CHCHD6: variants seen among roughly 807,000 people sequenced by gnomAD.
CHCHD6 encodes the protein coiled-coil-helix-coiled-coil-helix domain containing 6, also known as MICOS complex subunit MIC25.
CHCHD6 carries 28 observed loss-of-function variants against 32.3 expected under a neutral mutation model. That is an observed-to-expected ratio of 0.87 (90% CI 0.64 to 1.19). The LOEUF (loss-of-function observed/expected upper bound fraction) is 1.19, where lower values mean the gene tolerates loss of function less well. CHCHD6 is among the 50% of genes most tolerant of loss of function. The probability of loss-of-function intolerance (pLI) is 0.00; values close to 1 mark genes in which losing one functional copy is unlikely to be tolerated. For missense variants in CHCHD6, 333 were observed against 307.0 expected (o/e 1.08, Z -0.63); for synonymous variants, 122 against 117.5 (o/e 1.04, Z -0.25).
At chr3:126,789,964 A>T (rs1204311651) in intron 4 of CHCHD6, among the ~76,000 whole-genome samples, 2 of 151,942 alleles carry the variant, frequency 1.3e-5, no homozygotes, top group East Asian at 3.9e-4. Context: ...GGTTGCTACT[A>T]GTTGTTCCTT....
intron 1 of CHCHD6, among the ~76,000 whole-genome samples, chr3:126,713,002 A>G (rs978872607): frequency 2.0e-5 from 3 of 152,056 alleles, no homozygotes; most frequent in Non-Finnish European, 4.4e-5. Context: ...ATTCATGACA[A>G]GTCTTGAGCT....
At chr3:126,859,159 A>G (rs1267090337) in intron 5 of CHCHD6, among the ~76,000 whole-genome samples, 3 of 152,222 alleles carry the variant, frequency 2.0e-5, no homozygotes, top group African/African-American at 7.2e-5. Flanking sequence ...ACGTGTGTGT[A>G]TGCAATCAGG....
intron 5 of CHCHD6, among the ~76,000 whole-genome samples, chr3:126,900,985 G>A (rs962671592): frequency 3.9e-5 from 6 of 152,018 alleles, no homozygotes; most frequent in Non-Finnish European, 5.9e-5. Context: ...ATTCATGGGG[G>A]ATCCGCCCTC....
chr3:126,924,383 A>T (rs1360467428), intron 6 of CHCHD6, among the ~76,000 whole-genome samples: 1 of 152,236 alleles, frequency 6.6e-6, no homozygotes, highest in Non-Finnish European at 1.5e-5. Flanking sequence ...TTTATCTGAA[A>T]TGTTTATTTA....
intron 6 of CHCHD6, among the ~76,000 whole-genome samples, chr3:126,923,393 T>A (rs542307516): frequency 9.2e-5 from 14 of 152,356 alleles, no homozygotes; most frequent in African/African-American, 3.4e-4. Flanking sequence ...ATCTTATATA[T>A]CTCCGTATCC....
intron 6 of CHCHD6, among the ~76,000 whole-genome samples, chr3:126,953,761 G>T (rs1169792521): frequency 6.6e-6 from 1 of 152,198 alleles, no homozygotes; most frequent in East Asian, 1.9e-4. Context: ...TGGACCATTA[G>T]ATCTTCATTC....
At chr3:126,913,057 TG>T (rs2078115984) in intron 5 of CHCHD6, among the ~76,000 whole-genome samples, 1 of 152,124 alleles carries the variant, frequency 6.6e-6, no homozygotes, top group South Asian at 2.1e-4. Flanking sequence ...GTCCTACAAA[TG>T]TGCAAGGCAA....
rs191007930 is a variant in CHCHD6 at position 126,943,948 on chromosome 3, G to A, written c.567-13468G>A. 8.7e-4 allele frequency among the ~76,000 whole-genome samples: 133 copies of A among 152,272 alleles called. 1 individual carries two copies. Among genetic ancestry groups the A allele is most frequent in the African/African-American group, 3.2e-3 (133 of 41,542 alleles). On this transcript the variant is annotated intron_variant, in intron 6 of 7. Transcript: ENST00000290913. Reference sequence around the variant, plus strand: ...ACTTCATGAAAACTAATTCAGAATGGACCATAGACCTAAATGTAAAACGCA... The same window carrying A: ...ACTTCATGAAAACTAATTCAGAATGAACCATAGACCTAAATGTAAAACGCA...
intron 4 of CHCHD6, among the ~76,000 whole-genome samples, chr3:126,782,121 C>G (rs867051780): frequency 7.9e-4 from 120 of 152,214 alleles, no homozygotes; most frequent in African/African-American, 2.7e-3. Context: ...GCAAACTGCT[C>G]CCAGCAAGGC....
At chr3:126,844,661 A>G (rs527746588) in intron 4 of CHCHD6, among the ~76,000 whole-genome samples, 1 of 152,260 alleles carries the variant, frequency 6.6e-6, no homozygotes, top group Non-Finnish European at 1.5e-5. Flanking sequence ...GGGGAGTGTG[A>G]TAGGAAGAAT....
intron 6 of CHCHD6, among the ~76,000 whole-genome samples, chr3:126,948,985 A>G (rs1375352943): frequency 6.6e-6 from 1 of 152,238 alleles, no homozygotes; most frequent in Non-Finnish European, 1.5e-5. Context: ...TACCCAGGCC[A>G]GAAGGGGAAA....
intron 5 of CHCHD6, among the ~76,000 whole-genome samples, chr3:126,858,727 G>A (rs891616062): frequency 6.6e-5 from 10 of 152,214 alleles, no homozygotes; most frequent in Admixed American, 2.0e-4. Flanking sequence ...GTTTGCACCC[G>A]GCCCGCTGGG....
intron 6 of CHCHD6, among the ~76,000 whole-genome samples, chr3:126,947,959 G>T (rs2078662907): frequency 6.6e-6 from 1 of 152,194 alleles, no homozygotes; most frequent in East Asian, 1.9e-4. Context: ...GACACCATGT[G>T]CAGACCCTGG....
chr3:126,737,595 C>T (rs1480016454), intron 4 of CHCHD6, among the ~76,000 whole-genome samples: 1 of 151,974 alleles, frequency 6.6e-6, no homozygotes, highest in Non-Finnish European at 1.5e-5. Flanking sequence ...CCCAGAGGGA[C>T]AGGAAGACAC....
chr3:126,787,144 G>A (rs1251498520), intron 4 of CHCHD6, among the ~76,000 whole-genome samples: 6 of 152,126 alleles, frequency 3.9e-5, no homozygotes, highest in Non-Finnish European at 7.4e-5. Flanking sequence ...TAGATGTGTG[G>A]TATTATTTCT....
At chr3:126,718,802 C>G (rs1576333361) in intron 1 of CHCHD6, among the ~76,000 whole-genome samples, 2 of 152,342 alleles carry the variant, frequency 1.3e-5, no homozygotes, top group Admixed American at 1.3e-4. Flanking sequence ...GAGGCCTCCC[C>G]TCTGGTTCTG....
chr3:126,889,203 G>T (rs190551398), intron 5 of CHCHD6, among the ~76,000 whole-genome samples: 2 of 152,182 alleles, frequency 1.3e-5, no homozygotes, highest in African/African-American at 4.8e-5. Context: ...CAGAGGTGAC[G>T]TGGAGAGAAG....
At chr3:126,853,362 C>T (rs1203744765) in intron 5 of CHCHD6, among the ~76,000 whole-genome samples, 1 of 151,378 alleles carries the variant, frequency 6.6e-6, no homozygotes, top group East Asian at 1.9e-4. Context: ...AAAGAAATGG[C>T]TTAAAATGTG....
chr3:126,741,798 G>A (rs1342800365), intron 4 of CHCHD6, among the ~76,000 whole-genome samples: 1 of 152,054 alleles, frequency 6.6e-6, no homozygotes, highest in African/African-American at 2.4e-5. Context: ...GTGTTTTTTG[G>A]CCCTTTTTGC....
Sources: gnomAD v4.1 joint callset for allele counts (sites outside exome capture counted in the v4.1 genomes callset) on GRCh38, gnomAD v4.1.1 for gene constraint, MANE v1.5 for transcripts, NCBI Gene and HGNC (gene_info 2026-07-23, HGNC 2026-07-21) for gene names.